KLHDC1: variants seen among roughly 807,000 people sequenced by gnomAD.
The protein encoded by KLHDC1 is kelch domain containing 1, also known as kelch domain-containing protein 1.
KLHDC1 carries 53 observed loss-of-function variants against 68.3 expected under a neutral mutation model. That is an observed-to-expected ratio of 0.78 (90% CI 0.62 to 0.98). KLHDC1 has a LOEUF of 0.98. KLHDC1 is among the 50% of genes least tolerant of loss of function. The probability of loss-of-function intolerance (pLI) is 0.00; values close to 1 mark genes in which losing one functional copy is unlikely to be tolerated. For synonymous variants in KLHDC1, 148 were observed against 159.0 expected (o/e 0.93, Z 0.52); for missense variants, 470 against 492.3 (o/e 0.95, Z 0.43).
intron 4 of KLHDC1, among the ~76,000 whole-genome samples, chr14:49,713,828 ATATATATATATATATATATATATTT>A (rs1888285644): frequency 4.9e-4 from 1 of 2,056 alleles, no homozygotes; most frequent in African/African-American, 7.9e-4. Flanking sequence ...ATATATATAT[ATATATATATATATATATATATATTT>A]TTTTTTTTTT....
rs1594689289 is a variant in KLHDC1 at position 49,751,961 on chromosome 14, A to G, written c.*189A>G. ...TTAATGCAGATTAATTTATATTTGT[A>G]AACAAATTTCCTTACAAACTGCAGA... On this transcript the variant is annotated 3_prime_UTR_variant, in exon 13 of 13. Transcript: ENST00000359332. 4 of 326,146 alleles carry G rather than the reference A, an allele frequency of 1.2e-5. No homozygotes were observed. In the South Asian group the frequency reaches 5.5e-4, roughly 45 times the overall value. 20.2% of individuals were successfully genotyped at this position (326,146 alleles called of 1,614,324 possible). A position where few individuals can be genotyped will look rare whatever the true frequency, so the allele number is the denominator to read the frequency against.
intron 1 of KLHDC1, among the ~76,000 whole-genome samples, chr14:49,705,163 G>A (rs1016785111): frequency 2.4e-4 from 36 of 152,062 alleles, no homozygotes; most frequent in African/African-American, 8.7e-4. Flanking sequence ...TAGATGAATG[G>A]TCCTATCATA....
intron 10 of KLHDC1, among the ~76,000 whole-genome samples, chr14:49,737,385 G>A (rs557987006): frequency 5.1e-4 from 77 of 152,306 alleles, no homozygotes; most frequent in African/African-American, 1.7e-3. Flanking sequence ...TTGGTTTAAC[G>A]AATTGTGCAT....
chr14:49,712,106 G>T (rs942069835), intron 4 of KLHDC1, among the ~76,000 whole-genome samples: 73 of 151,496 alleles, frequency 4.8e-4, no homozygotes, highest in African/African-American at 1.7e-3. Context: ...TTTTAGTAGA[G>T]ACTGGGTTTC....
chr14:49,749,320 A>G (rs1187667663), intron 12 of KLHDC1, among the ~76,000 whole-genome samples: 1 of 152,128 alleles, frequency 6.6e-6, no homozygotes, highest in Non-Finnish European at 1.5e-5. Flanking sequence ...ATCATTCAGT[A>G]TAATAAATCT....
intron 5 of KLHDC1, 138 bp downstream of exon 5, chr14:49,724,090 C>G (rs768881639): frequency 3.5e-4 from 201 of 582,206 alleles, no homozygotes; most frequent in Non-Finnish European, 5.5e-4. Flanking sequence ...TGTGTTTTCT[C>G]TCTTTAACAT....
chr14:49,715,606 G>A (rs1027502282), intron 4 of KLHDC1, among the ~76,000 whole-genome samples: 1 of 150,390 alleles, frequency 6.6e-6, no homozygotes, highest in African/African-American at 2.4e-5. Context: ...TTAGCTGGGT[G>A]CAGTGGCAGG....
chr14:49,734,662 G>C lies in KLHDC1; in HGVS notation c.896+1G>C, dbSNP rs778089127. On this transcript the variant is annotated splice_donor_variant, in intron 10 of 12. Transcript: ENST00000359332. LOFTEE classifies it high-confidence loss of function. ...CACATTTACCTAAAACAAGACCTAG[G>C]TAAGTCAAGAAATTGACAAATAGTA... The C allele has an allele frequency of 6.5e-7, 1 of 1,545,602 alleles. No individual in the cohort carries two copies. Among genetic ancestry groups the C allele is most frequent in the South Asian group, 1.2e-5 (1 of 85,170 alleles).
At chr14:49,701,581 C>T (rs916970468) in intron 1 of KLHDC1, among the ~76,000 whole-genome samples, 12 of 151,784 alleles carry the variant, frequency 7.9e-5, no homozygotes, top group African/African-American at 2.9e-4. Context: ...ATTGCTTGAA[C>T]CCGGAGGGTG....
At chr14:49,695,104 A>G (rs1050601599) in intron 1 of KLHDC1, among the ~76,000 whole-genome samples, 31 of 102,292 alleles carry the variant, frequency 3.0e-4, no homozygotes, top group African/African-American at 1.2e-3. Flanking sequence ...TGTAACATGC[A>G]ATGCAGTTTT....
chr14:49,734,905 A>G (rs1888897199), intron 10 of KLHDC1, among the ~76,000 whole-genome samples: 1 of 152,118 alleles, frequency 6.6e-6, no homozygotes. Context: ...AGGTAAATGC[A>G]TAATCTTGCC....
chr14:49,697,177 C>T (rs1187795100), intron 1 of KLHDC1, among the ~76,000 whole-genome samples: 4 of 152,140 alleles, frequency 2.6e-5, no homozygotes, highest in Admixed American at 6.5e-5. Context: ...CCTCGTGATC[C>T]GCCCGCCTCG....
chr14:49,706,182 C>T (rs1329665340), intron 1 of KLHDC1, among the ~76,000 whole-genome samples: 1 of 152,166 alleles, frequency 6.6e-6, no homozygotes, highest in Non-Finnish European at 1.5e-5. Flanking sequence ...TGCTTTCTCT[C>T]TCCATGAGGT....
intron 6 of KLHDC1, among the ~76,000 whole-genome samples, chr14:49,727,298 G>A (rs540082457): frequency 6.6e-6 from 1 of 152,062 alleles, no homozygotes; most frequent in African/African-American, 2.4e-5. Context: ...CCTCTACTTG[G>A]GCATGTTCCT....
At chr14:49,704,701 A>G (rs1193370494) in intron 1 of KLHDC1, among the ~76,000 whole-genome samples, 4 of 151,982 alleles carry the variant, frequency 2.6e-5, no homozygotes, top group African/African-American at 9.7e-5. Context: ...TGGCCTTGTC[A>G]AACATATTCT....
intron 4 of KLHDC1, among the ~76,000 whole-genome samples, chr14:49,710,656 T>C (rs1184571874): frequency 1.3e-5 from 2 of 152,202 alleles, no homozygotes; most frequent in Non-Finnish European, 2.9e-5. Context: ...ATATCTATCA[T>C]TCCCCTACTC....
In KLHDC1 at chr14:49,698,767, C is replaced by T. The variant is rs181656258; in HGVS notation, c.96+5477C>T. The stretch of plus-strand genomic sequence containing the variant: ...CTGACCTTAGGCAGTCAGCCCACCT[C>T]GGCCTCCCAAAGTGCTGGGATTTCA... On this transcript the variant is annotated intron_variant, in intron 1 of 12. Coordinates refer to ENST00000359332, the MANE Select transcript of KLHDC1 (RefSeq NM_172193.3). Among the ~76,000 whole-genome samples the T allele has an allele frequency of 2.4e-4, 36 of 152,162 alleles. No homozygotes were observed. In the East Asian group the frequency reaches 4.5e-3, roughly 19 times the overall value.
At chr14:49,750,028 C>A (rs1889288430) in intron 12 of KLHDC1, among the ~76,000 whole-genome samples, 2 of 152,124 alleles carry the variant, frequency 1.3e-5, no homozygotes, top group South Asian at 4.1e-4. Context: ...CCACCACACT[C>A]CAGCCTGGTT....
chr14:49,699,924 C>T (rs755970880), intron 1 of KLHDC1: 10 of 185,992 alleles, frequency 5.4e-5, no homozygotes, highest in Admixed American at 1.9e-4. Flanking sequence ...GGGAAAAACT[C>T]GGTATCTTGG....
Sources: allele counts gnomAD v4.1 joint callset (sites outside exome capture counted in the v4.1 genomes callset), GRCh38; gene constraint gnomAD v4.1.1; transcripts MANE v1.5; gene names NCBI Gene and HGNC (gene_info 2026-07-23, HGNC 2026-07-21).